Variants in CREB1 observed in about 807,000 individuals in gnomAD.
CREB1 encodes cAMP responsive element binding protein 1, also known as cyclic AMP-responsive element-binding protein 1.
Under a neutral mutation model 42.0 loss-of-function variants are expected in CREB1, and 2 were observed. The ratio of observed to expected loss-of-function variants is 0.05; its 90% confidence interval spans 0.02 to 0.15. CREB1 has a LOEUF of 0.15. Ranked by LOEUF, CREB1 falls within the 10% of genes least tolerant of loss-of-function variation. The pLI, the probability that CREB1 is intolerant of heterozygous loss-of-function variation, is 1.00. For synonymous variants in CREB1, 123 were observed against 139.9 expected (o/e 0.88, Z 0.85); for missense variants, 199 against 388.9 (o/e 0.51, Z 4.11).
At chr2:207,546,170 C>T (rs955899754) in intron 1 of CREB1, among the ~76,000 whole-genome samples, 2 of 152,088 alleles carry the variant, frequency 1.3e-5, no homozygotes, top group African/African-American at 4.8e-5. Flanking sequence ...TGAGAAATAG[C>T]GTGAGATTGT....
intron 1 of CREB1, among the ~76,000 whole-genome samples, chr2:207,539,077 G>C (rs1006772934): frequency 7.2e-6 from 1 of 138,640 alleles, no homozygotes; most frequent in Non-Finnish European, 1.5e-5. Context: ...ATCTCGCTCT[G>C]TCTCCCAGCC....
intron 7 of CREB1, 63 bp from the exon 8 acceptor site, chr2:207,596,851 G>T: frequency 6.4e-7 from 1 of 1,560,296 alleles, no homozygotes; most frequent in Non-Finnish European, 8.6e-7. Context: ...AAAAAAAAAG[G>T]TAATCCAAAA....
At chr2:207,576,069 C>T (rs1449985833) in intron 6 of CREB1, among the ~76,000 whole-genome samples, 1 of 151,268 alleles carries the variant, frequency 6.6e-6, no homozygotes. Context: ...TCAAGCAATC[C>T]TCCTTTCTCA....
In CREB1 at chr2:207,560,235, C is replaced by G; in HGVS notation, c.124C>G (p.Pro42Ala). 1 of 1,607,782 alleles carries G rather than the reference C, an allele frequency of 6.2e-7. No homozygotes were observed. Among genetic ancestry groups the G allele is most frequent in the Non-Finnish European group, 8.5e-7 (1 of 1,175,398 alleles). Reference protein sequence around the residue: ...QIATLAQVSMPAAHATSSAPT... With the variant: ...QIATLAQVSMAAAHATSSAPT... ...GTGTTCAACACCATAGGTATCTATG[C>G]CAGCAGCTCATGCAACATCATCTGC... The change falls in exon 3 of 8, where the codon CCA becomes GCA. Residue 42 changes from proline (P) to alanine (A), a missense_variant. Physicochemically the swap from Pro to Ala is conservative, Grantham distance 27 (BLOSUM62 -1). Around this residue, in one of 4 missense-constraint regions of CREB1, gnomAD observed 53 missense variants for 57.1 expected, o/e 0.93. Coordinates refer to ENST00000353267, the MANE Select transcript of CREB1 (RefSeq NM_004379.5).
intron 3 of CREB1, among the ~76,000 whole-genome samples, chr2:207,562,798 TAA>T (rs2082004723): frequency 6.6e-6 from 1 of 152,178 alleles, no homozygotes; most frequent in South Asian, 2.1e-4. Context: ...TATTCCAGAA[TAA>T]AGTTTCCAAA....
intron 6 of CREB1, among the ~76,000 whole-genome samples, chr2:207,576,222 T>C (rs1292252944): frequency 6.8e-6 from 1 of 147,678 alleles, no homozygotes; most frequent in Non-Finnish European, 1.5e-5. Flanking sequence ...CGACAAATTA[T>C]AGAAGTTGCT....
At chr2:207,562,076 A>G (rs997919097) in intron 3 of CREB1, among the ~76,000 whole-genome samples, 2 of 152,212 alleles carry the variant, frequency 1.3e-5, no homozygotes, top group Non-Finnish European at 2.9e-5. Context: ...CTATGAAATC[A>G]CAATGACTGA....
intron 7 of CREB1, among the ~76,000 whole-genome samples, chr2:207,585,014 T>G (rs2083569246): frequency 6.6e-6 from 1 of 151,980 alleles, no homozygotes; most frequent in South Asian, 2.1e-4. Flanking sequence ...CTTACACACG[T>G]CTAGGAGCCT....
At chr2:207,549,677 G>C (rs780312133) in intron 1 of CREB1, among the ~76,000 whole-genome samples, 1 of 151,944 alleles carries the variant, frequency 6.6e-6, no homozygotes, top group Admixed American at 6.6e-5. Context: ...AATCGAGACC[G>C]TCCTGGCTAA....
chr2:207,582,845 A>G (rs1285959829), intron 7 of CREB1: 2 of 340,934 alleles, frequency 5.9e-6, no homozygotes, highest in Non-Finnish European at 1.2e-5. Context: ...GTGAGCTGAG[A>G]TGGCACTACT....
At chr2:207,567,122 C>T (rs2082168669) in intron 3 of CREB1, among the ~76,000 whole-genome samples, 1 of 152,028 alleles carries the variant, frequency 6.6e-6, no homozygotes, top group Non-Finnish European at 1.5e-5. Context: ...ATTTAGCCAT[C>T]CATTTTATCC....
At chr2:207,563,450 T>C (rs2082025992) in intron 3 of CREB1, among the ~76,000 whole-genome samples, 1 of 152,148 alleles carries the variant, frequency 6.6e-6, no homozygotes. Flanking sequence ...GCCAGGGAGA[T>C]GAAAATAATA....
rs899921086 is a variant in CREB1 at position 207,576,867 on chromosome 2, TTG to T, written c.689-634_689-633del. 3.2e-6 allele frequency: 3 copies of T among 947,094 alleles called. No homozygotes were observed. In the African/African-American group the frequency reaches 5.3e-5, roughly 17 times the overall value. 58.7% of individuals were successfully genotyped at this position (947,094 alleles called of 1,614,324 possible). A position where few individuals can be genotyped will look rare whatever the true frequency, so the allele number is the denominator to read the frequency against. ...TTAGAAGCAGTTTGACAAATAGTGA[TTG>T]TGTTTGTTTTTACAAATGGTGAATC... On this transcript the variant is annotated intron_variant, in intron 6 of 7. Transcript: ENST00000353267.
intron 1 of CREB1, among the ~76,000 whole-genome samples, chr2:207,551,622 G>C (rs950312250): frequency 6.6e-6 from 1 of 152,012 alleles, no homozygotes; most frequent in Non-Finnish European, 1.5e-5. Context: ...CTTACTCAAT[G>C]GGTCGTTCTT....
chr2:207,587,333 C>T (rs974851522), intron 7 of CREB1, among the ~76,000 whole-genome samples: 3 of 150,054 alleles, frequency 2.0e-5, no homozygotes, highest in African/African-American at 7.4e-5. Flanking sequence ...GCAGAGCTTG[C>T]AGTGAGCCGA....
In CREB1 at chr2:207,542,757, T is replaced by C. The variant is rs554370437; in HGVS notation, c.-9+12623T>C. Among the ~76,000 whole-genome samples, 5 of 152,278 alleles carry C rather than the reference T, an allele frequency of 3.3e-5. No homozygotes were observed. In the South Asian group the frequency reaches 8.3e-4, roughly 25 times the overall value. ...GTTTATTATAAACATTTAAAAAATA[T>C]CTCTGATCTCTGTGAAGGCCCAGGC... On this transcript the variant is annotated intron_variant, in intron 1 of 7. Transcript: ENST00000353267.
At chr2:207,538,412 A>G (rs936733837) in intron 1 of CREB1, among the ~76,000 whole-genome samples, 13 of 152,172 alleles carry the variant, frequency 8.5e-5, no homozygotes, top group African/African-American at 2.7e-4. Context: ...GAAAATAAAC[A>G]GTAGTACTCC....
At chr2:207,538,216 T>C (rs910744051) in intron 1 of CREB1, among the ~76,000 whole-genome samples, 1 of 151,886 alleles carries the variant, frequency 6.6e-6, no homozygotes, top group Non-Finnish European at 1.5e-5. Context: ...TCTTCTAGGC[T>C]ACCAGAAAGA....
Position 207,599,473 on chromosome 2 carries a change from C to T in CREB1, c.*2415C>T, listed in dbSNP as rs2086691519. 5.1e-6 allele frequency: 1 copy of T among 196,346 alleles called. No individual in the cohort carries two copies. Among genetic ancestry groups the T allele is most frequent in the Admixed American group, 6.1e-5 (1 of 16,464 alleles). The allele number at this position is 196,346 out of a possible 1,614,324, so 12.2% of individuals were successfully genotyped here. A position where few individuals can be genotyped will look rare whatever the true frequency, so the allele number is the denominator to read the frequency against. On this transcript the variant is annotated 3_prime_UTR_variant, in exon 8 of 8. Transcript: ENST00000353267. ...CTGGGAAGTTGGTGGTCCTCTTAGTCCCTGATAAATCAAGGCAATCACATT... is the reference window on the plus strand; with the variant it reads ...CTGGGAAGTTGGTGGTCCTCTTAGTTCCTGATAAATCAAGGCAATCACATT...
Sources: allele counts gnomAD v4.1 joint callset (sites outside exome capture counted in the v4.1 genomes callset), GRCh38; gene constraint gnomAD v4.1.1; regional missense constraint gnomAD v4.1.1; transcripts MANE v1.5; gene names NCBI Gene and HGNC (gene_info 2026-07-23, HGNC 2026-07-21).